The following TMEM132D variants were observed in gnomAD, a reference collection of about 807,000 sequenced individuals.
TMEM132D encodes the protein transmembrane protein 132D.
TMEM132D carries 21 observed loss-of-function variants against 62.3 expected under a neutral mutation model. That is an observed-to-expected ratio of 0.34 (90% CI 0.24 to 0.49). The LOEUF is 0.49. Ranked by LOEUF, TMEM132D falls within the 20% of genes least tolerant of loss-of-function variation. TMEM132D has a pLI of 0.99. For synonymous variants in TMEM132D, 621 were observed against 575.6 expected (o/e 1.08, Z -1.13); for missense variants, 1,346 against 1,402.8 (o/e 0.96, Z 0.65).
intron 3 of TMEM132D, among the ~76,000 whole-genome samples, chr12:129,517,267 A>G (rs1378227567): frequency 6.6e-6 from 1 of 152,258 alleles, no homozygotes; most frequent in East Asian, 1.9e-4. Context: ...TATTTTTTTT[A>G]CTTACCCTTA....
intron 3 of TMEM132D, among the ~76,000 whole-genome samples, chr12:129,460,585 C>A (rs573937323): frequency 2.0e-5 from 3 of 152,116 alleles, no homozygotes; most frequent in Admixed American, 6.6e-5. Context: ...AGATTAAATT[C>A]TCTAATGTAT....
chr12:129,901,002 T>C (rs1875335241), intron 1 of TMEM132D, among the ~76,000 whole-genome samples: 1 of 152,248 alleles, frequency 6.6e-6, no homozygotes, highest in South Asian at 2.1e-4. Flanking sequence ...CGTGTAAGGC[T>C]CAAGCATATT....
At chr12:129,115,397 T>A (rs1593266461) in intron 5 of TMEM132D, among the ~76,000 whole-genome samples, 1 of 152,044 alleles carries the variant, frequency 6.6e-6, no homozygotes, top group East Asian at 1.9e-4. Flanking sequence ...TGTGATGAAA[T>A]CTTTGGGATG....
intron 2 of TMEM132D, among the ~76,000 whole-genome samples, chr12:129,547,853 C>G (rs949773810): frequency 6.6e-6 from 1 of 152,192 alleles, no homozygotes; most frequent in African/African-American, 2.4e-5. Context: ...CTCTGCAGCA[C>G]AGAGAGGTTG....
intron 3 of TMEM132D, among the ~76,000 whole-genome samples, chr12:129,366,429 A>G (rs752092344): frequency 1.2e-4 from 19 of 152,036 alleles, no homozygotes; most frequent in Admixed American, 3.3e-4. Flanking sequence ...TGCTCTGGCC[A>G]TGTGACACGC....
chr12:129,590,223 G>A (rs954904535), intron 2 of TMEM132D, among the ~76,000 whole-genome samples: 2 of 152,056 alleles, frequency 1.3e-5, no homozygotes, highest in African/African-American at 2.4e-5. Flanking sequence ...CGTCTCATTT[G>A]TGAGGTTGAG....
chr12:129,341,176 AC>A (rs1337336825), intron 3 of TMEM132D, among the ~76,000 whole-genome samples: 8 of 152,194 alleles, frequency 5.3e-5, no homozygotes, highest in Non-Finnish European at 1.0e-4. Context: ...AAAGACAAGG[AC>A]TGTGCCTTTG....
intron 1 of TMEM132D, among the ~76,000 whole-genome samples, chr12:129,849,418 G>T (rs373345900): frequency 6.6e-6 from 1 of 152,116 alleles, no homozygotes; most frequent in Admixed American, 6.6e-5. Context: ...ATCCAAAACT[G>T]AAAATAAAAG....
At chr12:129,392,039 G>T (rs112361037) in intron 3 of TMEM132D, among the ~76,000 whole-genome samples, 4 of 151,852 alleles carry the variant, frequency 2.6e-5, no homozygotes, top group African/African-American at 7.2e-5. Context: ...TTACAGGCGT[G>T]AGCCACCATG....
intron 2 of TMEM132D, among the ~76,000 whole-genome samples, chr12:129,664,800 G>T (rs1880334702): frequency 6.6e-6 from 1 of 152,030 alleles, no homozygotes; most frequent in Non-Finnish European, 1.5e-5. Flanking sequence ...GGTTGGTTCT[G>T]AAATACTGTG....
chr12:129,081,802 C>T lies in TMEM132D; in HGVS notation c.1880G>A (p.Gly627Glu), dbSNP rs778844785. ...EEPRIAKLQG[G>E]QILMGQELGM... ...AAGCTCCTGCCCCATCAGGATCTGT[C>T]CGCCTTGCAGCTTGGCGATCCTGGG... The change falls in exon 7 of 9, where the codon GGA becomes GAA. Residue 627 changes from glycine to glutamate, a missense_variant. Physicochemically the swap from Gly to Glu is moderately conservative, Grantham distance 98. Transcript: ENST00000422113. 29 of 1,612,788 alleles carry T rather than the reference C, an allele frequency of 1.8e-5. No homozygotes were observed. Among genetic ancestry groups the T allele is most frequent in the Non-Finnish European group, 2.4e-5 (28 of 1,179,734 alleles).
At chr12:129,718,118 C>G (rs1868660036) in intron 1 of TMEM132D, among the ~76,000 whole-genome samples, 1 of 152,248 alleles carries the variant, frequency 6.6e-6, no homozygotes. Context: ...AAGGACAAGT[C>G]CAGTGAAAAC....
chr12:129,488,804 C>T (rs1874668659), intron 3 of TMEM132D, among the ~76,000 whole-genome samples: 1 of 151,888 alleles, frequency 6.6e-6, no homozygotes, highest in African/African-American at 2.4e-5. Flanking sequence ...ATCTTTCAGG[C>T]CATGAGCAAA....
At chr12:129,641,455 T>C (rs1879637993) in intron 2 of TMEM132D, among the ~76,000 whole-genome samples, 1 of 152,012 alleles carries the variant, frequency 6.6e-6, no homozygotes, top group Non-Finnish European at 1.5e-5. Context: ...GGTGAGCAAA[T>C]CCTGAATCCT....
chr12:129,862,783 T>C (rs1276976641), intron 1 of TMEM132D, among the ~76,000 whole-genome samples: 1 of 151,632 alleles, frequency 6.6e-6, no homozygotes, highest in Non-Finnish European at 1.5e-5. Flanking sequence ...AACCATTCCA[T>C]TGTAATAAAA....
At chr12:129,144,291 C>G (rs914251365) in intron 5 of TMEM132D, among the ~76,000 whole-genome samples, 3 of 152,188 alleles carry the variant, frequency 2.0e-5, no homozygotes, top group African/African-American at 7.2e-5. Context: ...TAAATCATGT[C>G]TCCCAGTATC....
At chr12:129,712,401 G>A (rs528362893) in intron 1 of TMEM132D, among the ~76,000 whole-genome samples, 2 of 152,206 alleles carry the variant, frequency 1.3e-5, no homozygotes, top group African/African-American at 4.8e-5. Flanking sequence ...TGGGATTACC[G>A]GCGTGAGCCA....
rs150076405 is a variant in TMEM132D at position 129,500,555 on chromosome 12, C to T, written c.1115+30504G>A. On this transcript the variant is annotated intron_variant, in intron 3 of 8. Coordinates refer to ENST00000422113, the MANE Select transcript of TMEM132D (RefSeq NM_133448.3). ...AGCAGGTAAAACCTGCCCAAAGGGACCTGGATGGGGTCTACCTTAGACAGA... is the reference window on the plus strand; with the variant it reads ...AGCAGGTAAAACCTGCCCAAAGGGATCTGGATGGGGTCTACCTTAGACAGA... 2.9e-3 allele frequency among the ~76,000 whole-genome samples: 435 copies of T among 152,320 alleles called. 3 individuals carry two copies. Among genetic ancestry groups the T allele is most frequent in the African/African-American group, 0.01 (424 of 41,570 alleles).
chr12:129,796,030 A>T (rs1277490830), intron 1 of TMEM132D, among the ~76,000 whole-genome samples: 1 of 152,146 alleles, frequency 6.6e-6, no homozygotes, highest in Non-Finnish European at 1.5e-5. Flanking sequence ...ATGGAAATAA[A>T]TATCCCTTTA....
Sources: gnomAD v4.1 joint callset for allele counts (sites outside exome capture counted in the v4.1 genomes callset) on GRCh38, gnomAD v4.1.1 for gene constraint, MANE v1.5 for transcripts, NCBI Gene and HGNC (gene_info 2026-07-23, HGNC 2026-07-21) for gene names.